XPO4: variants seen among roughly 807,000 people sequenced by gnomAD.
XPO4 encodes exportin 4.
A neutral mutation model predicts 143.0 loss-of-function variants in XPO4; 39 were observed. That is an observed-to-expected ratio of 0.27 (90% CI 0.21 to 0.36). XPO4 has a LOEUF of 0.36. Ranked by LOEUF, XPO4 falls within the 10% of genes least tolerant of loss-of-function variation. The probability of loss-of-function intolerance (pLI) is 1.00; values close to 1 mark genes in which losing one functional copy is unlikely to be tolerated. For synonymous variants in XPO4, 439 were observed against 474.0 expected, an observed-to-expected ratio of 0.93 and a Z score of 0.96; for missense variants, 907 against 1,348.0, an observed-to-expected ratio of 0.67 and a Z score of 5.12.
rs1595062045 is a variant in XPO4 at position 20,796,245 on chromosome 13, C to T, written c.2628G>A (p.Met876Ile). 6.3e-7 allele frequency: 1 copy of T among 1,596,820 alleles called. No homozygotes were observed. Among genetic ancestry groups the T allele is most frequent in the East Asian group, 2.2e-5 (1 of 44,642 alleles). Residue 876 changes from methionine (M) to isoleucine (I), a missense_variant, in exon 18 of 23, where the codon ATG becomes ATA. Physicochemically the swap from Met to Ile is conservative, Grantham distance 10. Coordinates refer to ENST00000255305, the MANE Select transcript of XPO4 (RefSeq NM_022459.5). ...QICYLGESKA[M>I]NLYEACLTLL... is the part of the protein sequence containing the mutation. Reference sequence around the variant, plus strand: ...AAGTAAGGCAGGCTTCATATAAGTTCATAGCTTTGGACTGAAAAAAAAAAA... The same window carrying T: ...AAGTAAGGCAGGCTTCATATAAGTTTATAGCTTTGGACTGAAAAAAAAAAA...
chr13:20,785,011 G>T (rs1180696349), intron 22 of XPO4, among the ~76,000 whole-genome samples: 1 of 152,094 alleles, frequency 6.6e-6, no homozygotes, highest in African/African-American at 2.4e-5. Flanking sequence ...GGGACTACAG[G>T]CATGCACCAC....
chr13:20,863,824 G>A (rs530608766), intron 2 of XPO4, among the ~76,000 whole-genome samples: 3 of 152,290 alleles, frequency 2.0e-5, no homozygotes, highest in African/African-American at 7.2e-5. Context: ...TCTAGGCATA[G>A]ACTGGCACCT....
At chr13:20,825,685 A>AG (rs1390367487) in intron 7 of XPO4, among the ~76,000 whole-genome samples, 2 of 152,194 alleles carry the variant, frequency 1.3e-5, no homozygotes, top group African/African-American at 4.8e-5. Flanking sequence ...CAAGTGCATA[A>AG]TACAAAGACT....
intron 3 of XPO4, among the ~76,000 whole-genome samples, chr13:20,859,586 C>T (rs867294791): frequency 6.5e-5 from 9 of 137,898 alleles, no homozygotes; most frequent in African/African-American, 2.2e-4. Context: ...GATGACAGAC[C>T]GAGACTCCGT....
chr13:20,884,951 T>C (rs1192849695), intron 1 of XPO4, among the ~76,000 whole-genome samples: 2 of 152,018 alleles, frequency 1.3e-5, no homozygotes, highest in African/African-American at 4.8e-5. Flanking sequence ...GTTTTTTTGG[T>C]TTGTTTTTTT....
At chr13:20,852,788 CT>C (rs559667806) in intron 4 of XPO4, 6 of 984,826 alleles carry the variant, frequency 6.1e-6, no homozygotes, top group Middle Eastern at 5.2e-4. Flanking sequence ...GACTGAGAGC[CT>C]TTTCACTTTT....
Position 20,799,120 on chromosome 13 carries a change from C to A in XPO4, c.2322+45G>T, listed in dbSNP as rs1178834476. 2.7e-6 allele frequency: 4 copies of A among 1,507,296 alleles called. No individual in the cohort carries two copies. In the African/African-American group the frequency reaches 5.5e-5, roughly 21 times the overall value. 93.4% of individuals were successfully genotyped at this position (1,507,296 alleles called of 1,614,324 possible). A position where few individuals can be genotyped will look rare whatever the true frequency, so the allele number is the denominator to read the frequency against. ...CGGCAACGCATAGATAAAGGAACTA[C>A]AGAGTTACACAAAAGGGTGCAATCA... On this transcript the variant is annotated intron_variant, in intron 16 of 22. Transcript: ENST00000255305.
intron 2 of XPO4, among the ~76,000 whole-genome samples, chr13:20,868,252 G>T (rs1436499807): frequency 2.0e-5 from 3 of 151,132 alleles, no homozygotes; most frequent in Non-Finnish European, 4.4e-5. Context: ...CTAAGACTGG[G>T]CTAAAAGATA....
At chr13:20,813,924 C>T (rs2059615582) in intron 9 of XPO4, among the ~76,000 whole-genome samples, 1 of 149,292 alleles carries the variant, frequency 6.7e-6, no homozygotes, top group African/African-American at 2.5e-5. Context: ...CGCCACTGCA[C>T]TTCAGCTTGG....
At chr13:20,860,522 C>A (rs2060186834) in intron 3 of XPO4, among the ~76,000 whole-genome samples, 1 of 152,194 alleles carries the variant, frequency 6.6e-6, no homozygotes, top group African/African-American at 2.4e-5. Context: ...TTTGATGTGT[C>A]TGAATTACAT....
intron 3 of XPO4, among the ~76,000 whole-genome samples, chr13:20,861,777 C>CTTTTTTTTTTTTT (rs71200306): frequency 2.7e-5 from 2 of 73,394 alleles, no homozygotes; most frequent in African/African-American, 9.6e-5. Context: ...ACATTTCTCT[C>CTTTTTTTTTTTTT]TTTTTTTTTT....
intron 19 of XPO4, among the ~76,000 whole-genome samples, chr13:20,789,208 T>C (rs569969383): frequency 1.8e-4 from 27 of 152,054 alleles, no homozygotes; most frequent in Admixed American, 1.6e-3. Context: ...ATATGGAGAG[T>C]TGACTAAACT....
intron 4 of XPO4, chr13:20,850,670 T>C: frequency 2.2e-6 from 1 of 450,828 alleles, no homozygotes; most frequent in Non-Finnish European, 2.9e-6. Flanking sequence ...GAAGCTGAGG[T>C]GGGAGGATCA....
rs537441013 is a variant in XPO4 at position 20,895,613 on chromosome 13, C to T, written c.69+7057G>A. Among the ~76,000 whole-genome samples the T allele has an allele frequency of 4.9e-5, 7 of 142,208 alleles. No individual in the cohort carries two copies. The South Asian group carries it at 1.7e-3, about 34-fold the overall frequency. 93.3% of individuals were successfully genotyped at this position (142,208 alleles called of 152,430 possible). On this transcript the variant is annotated intron_variant, in intron 1 of 22. Coordinates refer to ENST00000255305, the MANE Select transcript of XPO4 (RefSeq NM_022459.5). ...CACCATTGCACTCCAGCCTGGGTGA[C>T]AGAGCAAGACTCTGTCTCAAAAAAA...
At chr13:20,807,314 G>A in intron 13 of XPO4, 143 bp downstream of exon 13, 1 of 760,004 alleles carries the variant, frequency 1.3e-6, no homozygotes, top group Non-Finnish European at 2.0e-6. Flanking sequence ...CCATCCTTGT[G>A]TATTTCAAGG....
intron 6 of XPO4, among the ~76,000 whole-genome samples, chr13:20,841,099 AAC>A (rs2059968966): frequency 6.6e-6 from 1 of 152,204 alleles, no homozygotes; most frequent in Non-Finnish European, 1.5e-5. Flanking sequence ...TTTCCCTTAA[AAC>A]AGACACTTTA....
At chr13:20,848,263 AG>A (rs1345704455) in intron 4 of XPO4, 1 of 981,792 alleles carries the variant, frequency 1.0e-6, no homozygotes, top group Non-Finnish European at 1.2e-6. Flanking sequence ...AACATTCTGC[AG>A]GACTCTTTCA....
At chr13:20,875,918 C>T (rs1022512762) in intron 1 of XPO4, among the ~76,000 whole-genome samples, 8 of 151,732 alleles carry the variant, frequency 5.3e-5, no homozygotes, top group African/African-American at 1.9e-4. Flanking sequence ...ATAATCCTAA[C>T]TCATGTAAGG....
chr13:20,825,077 G>A (rs2059767768), intron 7 of XPO4, among the ~76,000 whole-genome samples: 1 of 152,084 alleles, frequency 6.6e-6, no homozygotes, highest in African/African-American at 2.4e-5. Flanking sequence ...TTTATGTGAT[G>A]AGCAAAGAAG....
Sources: allele counts gnomAD v4.1 joint callset (sites outside exome capture counted in the v4.1 genomes callset), GRCh38; gene constraint gnomAD v4.1.1; transcripts MANE v1.5; gene names NCBI Gene and HGNC (gene_info 2026-07-23, HGNC 2026-07-21).